Variants in MVD observed in about 807,000 individuals in gnomAD.
MVD encodes diphosphomevalonate decarboxylase.
MVD carries 52 observed loss-of-function variants against 42.4 expected under a neutral mutation model. That is an observed-to-expected ratio of 1.23 (90% confidence interval 0.98 to 1.55). The LOEUF is 1.55. MVD is among the 40% of genes most tolerant of loss of function. The pLI, the probability that MVD is intolerant of heterozygous loss-of-function variation, is 0.00. For missense variants in MVD, 663 were observed against 572.1 expected, an observed-to-expected ratio of 1.16 and a Z score of -1.62; for synonymous variants, 287 against 243.2, an observed-to-expected ratio of 1.18 and a Z score of -1.68.
chr16:88,656,253 G>A lies in MVD; in HGVS notation c.455C>T (p.Ala152Val), dbSNP rs1907921913. Residue 152 changes from alanine to valine, a missense_variant, in exon 5 of 10, where the codon GCT becomes GTT. By Grantham distance (64) the Ala-to-Val change is moderately conservative (BLOSUM62 0). Coordinates refer to ENST00000301012, the MANE Select transcript of MVD (RefSeq NM_002461.3). ...GCAGGCGCTGCCTGAGCCCCGGCGA[G>A]CCACTTCTGAGAGGTCACTCTCCAC... ...YGVESDLSEV[A>V]RRGSGSACRS... 3 of 1,600,358 alleles carry A rather than the reference G, an allele frequency of 1.9e-6. No individual in the cohort carries two copies. Among genetic ancestry groups the A allele is most frequent in the Non-Finnish European group, 1.7e-6 (2 of 1,179,926 alleles).
chr16:88,653,461 A>C lies in MVD; in HGVS notation c.1014-53T>G, dbSNP rs1210524871. On this transcript the variant is annotated intron_variant, in intron 8 of 9. Transcript: ENST00000301012. The stretch of plus-strand genomic sequence containing the variant: ...AATGCATCCGTTTCTCTAAGCGTCT[A>C]CAACAGTCTACAACAGGCAAGTCCA... 8 of 1,392,122 alleles carry C rather than the reference A, an allele frequency of 5.7e-6. No homozygotes were observed. In the Admixed American group the frequency reaches 1.9e-4, roughly 33 times the overall value. 86.2% of individuals were successfully genotyped at this position (1,392,122 alleles called of 1,614,324 possible). A position where few individuals can be genotyped will look rare whatever the true frequency, so the allele number is the denominator to read the frequency against.
chr16:88,659,093 A>C, intron 1 of MVD: 1 of 283,784 alleles, frequency 3.5e-6, no homozygotes, highest in African/African-American at 2.2e-5. Flanking sequence ...CACTGCTCAT[A>C]TGCCCCAGGA....
intron 9 of MVD, 35 bp downstream of exon 9, chr16:88,653,264 GA>G (rs1468089364): frequency 6.4e-7 from 1 of 1,554,020 alleles, no homozygotes; most frequent in East Asian, 2.3e-5. Flanking sequence ...GGCAGGAAAG[GA>G]AACCCCGGGG....
intron 2 of MVD, among the ~76,000 whole-genome samples, 184 bp downstream of exon 2, chr16:88,658,466 T>G (rs1908081497): frequency 6.6e-6 from 1 of 152,076 alleles, no homozygotes; most frequent in African/African-American, 2.4e-5. Flanking sequence ...GGTCTCACTC[T>G]GTCACCCAGG....
At chr16:88,657,691 A>T (rs1447069876) in intron 3 of MVD, 109 bp from the exon 4 acceptor site, 1 of 1,480,068 alleles carries the variant, frequency 6.8e-7, no homozygotes, top group Non-Finnish European at 9.2e-7. Context: ...TGCCTGCCAG[A>T]CTCCTCGTGG....
chr16:88,655,102 G>T, intron 7 of MVD, 97 bp downstream of exon 7: 1 of 1,353,694 alleles, frequency 7.4e-7, no homozygotes, highest in Non-Finnish European at 1.0e-6. Flanking sequence ...GACACAGATT[G>T]CCCTGCACGC....
At chr16:88,658,772 C>A (rs781451194) in intron 1 of MVD, 52 bp from the exon 2 acceptor site, 7 of 1,464,614 alleles carry the variant, frequency 4.8e-6, no homozygotes, top group Non-Finnish European at 6.5e-6. Context: ...CCACCCTCCC[C>A]CAGTGTTCCC....
Position 88,663,021 on chromosome 16 carries a change from G to A in MVD, c.60C>T (p.Val20=), listed in dbSNP as rs139823729. 1.0e-3 allele frequency: 1,679 copies of A among 1,606,946 alleles called. 9 individuals carry two copies. In the African/African-American group the frequency reaches 0.011, roughly 10 times the overall value. The change falls in exon 1 of 10, where the codon GTC becomes GTT. Residue 20 remains valine (V), a synonymous_variant. Transcript: ENST00000301012. ...GCCCGCGGCACTCACAGTACTTGAT[G>A]ACCGCGATGTTGACCGGCGCTGTAC... ...VTCTAPVNIA[V]IKYWGKRDEE...
Position 88,655,199 on chromosome 16 carries a change from C to G in MVD, c.897G>C (p.Lys299Asn), listed in dbSNP as rs369535053. ...CCTCTGCCCTCCCGGCCCGCGTCAC[C>G]TTGGTGTCCCCGTGGTGGGCGTTGA... is the stretch of plus-strand genomic sequence containing the variant. ...HRFNAHHGDT[K>N]VAYTFDAGPN... Residue 299 changes from lysine (K) to asparagine (N), a missense_variant and splice_region_variant, in exon 7 of 10, where the codon AAG (lysine) becomes AAC (asparagine). Coordinates refer to ENST00000301012, the MANE Select transcript of MVD (RefSeq NM_002461.3). The G allele has an allele frequency of 6.4e-6, 10 of 1,558,350 alleles. No homozygotes were observed. In the African/African-American group the frequency reaches 1.1e-4, roughly 17 times the overall value.
Position 88,652,595 on chromosome 16 carries a change from C to T in MVD, c.1133G>A (p.Gly378Glu). Residue 378 changes from glycine to glutamate, a missense_variant, in exon 10 of 10, where the codon GGG becomes GAG. Transcript: ENST00000301012. ...GCAGGGGTCATCCAGGATTTGAGGC[C>T]CTGGCCCCACCTGGGGATAGAAATC... ...KYIIVTQVGP[G>E]PQILDDPCAH... The T allele has an allele frequency of 1.3e-6, 2 of 1,557,532 alleles. No homozygotes were observed. Among genetic ancestry groups the T allele is most frequent in the South Asian group, 2.4e-5 (2 of 84,504 alleles).
intron 2 of MVD, 76 bp from the exon 3 acceptor site, chr16:88,658,105 G>T: frequency 6.9e-7 from 1 of 1,442,766 alleles, no homozygotes; most frequent in Non-Finnish European, 9.7e-7. Context: ...TTTCTACTGA[G>T]AGAGCCTCAT....
intron 1 of MVD, chr16:88,659,305 T>G (rs942797657): frequency 6.1e-6 from 1 of 162,746 alleles, no homozygotes; most frequent in African/African-American, 2.4e-5. Flanking sequence ...GGCGGACAGT[T>G]CCAGGGGTGA....
At position 88,652,459 on chromosome 16, in the gene MVD, C is replaced by T; in HGVS notation, c.*66G>A. Reference sequence around the variant, plus strand: ...TCCCAGGAGTCCGGCCAGCCCACCACATCCGCTCCCTAGCTCCGGCGAGGC... The same window carrying T: ...TCCCAGGAGTCCGGCCAGCCCACCATATCCGCTCCCTAGCTCCGGCGAGGC... On this transcript the variant is annotated 3_prime_UTR_variant, in exon 10 of 10. Transcript: ENST00000301012. 20 of 1,520,192 alleles carry T rather than the reference C, an allele frequency of 1.3e-5. 1 individual carries two copies. In the South Asian group the frequency reaches 2.2e-4, roughly 16 times the overall value. The allele number at this position is 1,520,192 out of a possible 1,614,324, so 94.2% of individuals were successfully genotyped here. A position where few individuals can be genotyped will look rare whatever the true frequency, so the allele number is the denominator to read the frequency against.
chr16:88,656,861 G>T, intron 4 of MVD: 1 of 268,916 alleles, frequency 3.7e-6, no homozygotes, highest in South Asian at 3.5e-5. Context: ...GTCACCCCTG[G>T]AGTTGAGGGG....
chr16:88,660,527 C>T (rs1246864246), intron 1 of MVD: 1 of 151,874 alleles, frequency 6.6e-6, no homozygotes, highest in Non-Finnish European at 1.5e-5. Context: ...CACCTGTAGT[C>T]CCAGCTACTC....
chr16:88,655,944 C>T (rs1017417773), intron 5 of MVD, 161 bp downstream of exon 5: 24 of 1,158,786 alleles, frequency 2.1e-5, no homozygotes, highest in Non-Finnish European at 2.6e-5. Context: ...CGCATGGGAG[C>T]GGTTCCTGAG....
chr16:88,661,812 G>A (rs1322308921), intron 1 of MVD, among the ~76,000 whole-genome samples: 1 of 147,216 alleles, frequency 6.8e-6, no homozygotes, highest in Non-Finnish European at 1.5e-5. Flanking sequence ...AAATGGCCCA[G>A]CCACTCTGAA....
rs762310987 is a variant in MVD, at chr16:88,656,176, C to T, written c.532G>A (p.Gly178Arg). Residue 178 changes from glycine to arginine, a missense_variant, in exon 5 of 10, where the codon GGG becomes AGG. By Grantham distance (125) the Gly-to-Arg change is moderately radical. Coordinates refer to ENST00000301012, the MANE Select transcript of MVD (RefSeq NM_002461.3). Reference sequence around the variant, plus strand: ...ACTTGCCGAGCGATGCTGTCCTTCCCGTCGGCCTGCTCTCCCATCTGCCAC... The same window carrying T: ...ACTTGCCGAGCGATGCTGTCCTTCCTGTCGGCCTGCTCTCCCATCTGCCAC... ...VEWQMGEQAD[G>R]KDSIARQVAP... 1.0e-5 allele frequency: 16 copies of T among 1,601,854 alleles called. No individual in the cohort carries two copies. The highest frequency in any genetic ancestry group is 4.0e-5 in the African/African-American group (3 of 74,924).
chr16:88,655,455 G>C (rs763665842), intron 6 of MVD, 38 bp from the exon 7 acceptor site: 1 of 1,539,474 alleles, frequency 6.5e-7, no homozygotes, highest in Non-Finnish European at 8.7e-7. Context: ...AGCCGCTGGG[G>C]GTCTCGACAG....
Sources: gnomAD v4.1 joint callset for allele counts (sites outside exome capture counted in the v4.1 genomes callset) on GRCh38, gnomAD v4.1.1 for gene constraint, MANE v1.5 for transcripts, NCBI Gene and HGNC (gene_info 2026-07-23, HGNC 2026-07-21) for gene names.